Variants in JADE2 observed in about 807,000 individuals in gnomAD.
The protein encoded by JADE2 is E3 ubiquitin-protein ligase Jade-2.
In JADE2, 13 loss-of-function variants were observed where a neutral mutation model predicts 85.7. That is an observed-to-expected ratio of 0.15 (90% CI 0.10 to 0.24). The LOEUF (loss-of-function observed/expected upper bound fraction) is 0.24, where lower values mean the gene tolerates loss of function less well. JADE2 is among the 10% of genes least tolerant of loss of function. JADE2 has a pLI of 1.00. For synonymous variants in JADE2, 440 were observed against 456.1 expected, an observed-to-expected ratio of 0.96 and a Z score of 0.45; for missense variants, 846 against 1,115.9, an observed-to-expected ratio of 0.76 and a Z score of 3.45.
intron 3 of JADE2, among the ~76,000 whole-genome samples, 194 bp downstream of exon 3, chr5:134,538,277 T>C (rs574169515): frequency 2.6e-5 from 4 of 152,330 alleles, no homozygotes; most frequent in African/African-American, 9.6e-5. Context: ...CCTATTGAAC[T>C]GAGCAAGGGG....
intron 3 of JADE2, among the ~76,000 whole-genome samples, chr5:134,538,656 G>A (rs995459904): frequency 1.3e-5 from 2 of 152,134 alleles, no homozygotes; most frequent in Admixed American, 6.5e-5. Context: ...AAGCGCACTG[G>A]GGGTGGGTAG....
At chr5:134,543,881 G>T (rs1359956488) in intron 3 of JADE2, among the ~76,000 whole-genome samples, 6 of 152,176 alleles carry the variant, frequency 3.9e-5, no homozygotes, top group Admixed American at 2.6e-4. Flanking sequence ...AGCAACGTCA[G>T]GGAGTGTGGG....
Position 134,578,802 on chromosome 5 carries a change from A to C in JADE2, c.1990A>C (p.Thr664Pro). The change falls in exon 12 of 12, where the codon ACT (threonine) becomes CCT (proline). Residue 664 changes from threonine to proline, a missense_variant. By Grantham distance (38) the Thr-to-Pro change is conservative (BLOSUM62 -1). Transcript: ENST00000681547. The surrounding 1 kb of genome is among the most constrained non-coding windows in gnomAD (Gnocchi z 4.4). ...PPQDGPGSRT[T>P]PDKAPKKTWG... ...GCAGGACGGGCCTGGTTCACGGACGACTCCAGACAAAGCCCCCAAGAAGAC... is the reference window on the plus strand; with the variant it reads ...GCAGGACGGGCCTGGTTCACGGACGCCTCCAGACAAAGCCCCCAAGAAGAC... The C allele has an allele frequency of 6.2e-7, 1 of 1,613,620 alleles. No individual in the cohort carries two copies. The highest frequency in any genetic ancestry group is 1.3e-5 in the African/African-American group (1 of 75,002).
At chr5:134,548,259 A>G (rs1284926160) in intron 3 of JADE2, among the ~76,000 whole-genome samples, 1 of 152,204 alleles carries the variant, frequency 6.6e-6, no homozygotes, top group African/African-American at 2.4e-5. Flanking sequence ...AGTTAACTCA[A>G]GGGCATTAGG....
At chr5:134,560,988 T>C (rs1409610140) in intron 6 of JADE2, 31 bp downstream of exon 6, 5 of 1,589,596 alleles carry the variant, frequency 3.1e-6, no homozygotes, top group Admixed American at 1.7e-5. Flanking sequence ...CCCTCACCTG[T>C]GCCATGTATA....
At chr5:134,543,166 C>G (rs1230044795) in intron 3 of JADE2, among the ~76,000 whole-genome samples, 1 of 151,656 alleles carries the variant, frequency 6.6e-6, no homozygotes, top group East Asian at 2.0e-4. Flanking sequence ...TCCCAAGTAG[C>G]TAGGATTACA....
rs200711171 is a variant in JADE2 at position 134,559,925 on chromosome 5, G to A, written c.407G>A (p.Arg136His). Residue 136 changes from arginine (R) to histidine (H), a missense_variant, in exon 5 of 12, where the codon CGC (arginine) becomes CAC (histidine). Around this residue, in one of 9 missense-constraint regions of JADE2, gnomAD observed 78 missense variants for 64.9 expected, o/e 1.20. Transcript: ENST00000681547. ...CAGCCTGATTGGCCAGGGGGCAGCC[G>A]CTATGACTTGGACGAGATTGATGCC... ...GSQPDWPGGS[R>H]YDLDEIDAYW... 10 of 1,613,996 alleles carry A rather than the reference G, an allele frequency of 6.2e-6. No homozygotes were observed. The East Asian group carries it at 6.7e-5, about 11-fold the overall frequency.
intron 3 of JADE2, among the ~76,000 whole-genome samples, chr5:134,545,227 C>T (rs1228948150): frequency 6.6e-6 from 1 of 152,176 alleles, no homozygotes; most frequent in Admixed American, 6.5e-5. Flanking sequence ...ACTCACACTG[C>T]CTTTCTCTGG....
intron 4 of JADE2, among the ~76,000 whole-genome samples, chr5:134,553,914 G>A (rs867554736): frequency 2.6e-5 from 4 of 152,330 alleles, no homozygotes; most frequent in Middle Eastern, 6.8e-3. Flanking sequence ...TCAGCCAAGT[G>A]CTTCTTTATG....
rs1561774512 is a variant in JADE2, at chr5:134,581,348, CT to C, written c.*2033del. On this transcript the variant is annotated 3_prime_UTR_variant, in exon 12 of 12. Coordinates refer to ENST00000681547, the MANE Select transcript of JADE2 (RefSeq NM_001388185.1). Reference sequence around the variant, plus strand: ...TACTGCCTTTGAACAGAACTTCTTCCTTCCCCATGCTTTGGGTCACCTCGGG... The same window carrying C: ...TACTGCCTTTGAACAGAACTTCTTCCTCCCCATGCTTTGGGTCACCTCGGG... The C allele has an allele frequency of 6.5e-6, 1 of 152,732 alleles. No homozygotes were observed. The allele number at this position is 152,732 out of a possible 1,614,324, so 9.5% of individuals were successfully genotyped here. A position where few individuals can be genotyped will look rare whatever the true frequency, so the allele number is the denominator to read the frequency against.
At chr5:134,527,617 G>T (rs904269976) in intron 1 of JADE2, among the ~76,000 whole-genome samples, 1 of 151,794 alleles carries the variant, frequency 6.6e-6, no homozygotes, top group Non-Finnish European at 1.5e-5. Flanking sequence ...CCTTCGCCTG[G>T]GCCGGAGCCC....
In JADE2 at chr5:134,580,182, G is replaced by A. The variant is rs140308544; in HGVS notation, c.*865G>A. The A allele has an allele frequency of 1.8e-3, 274 of 152,856 alleles. No homozygotes were observed. The highest frequency in any genetic ancestry group is 4.3e-3 in the Admixed American group (66 of 15,304). The allele number at this position is 152,856 out of a possible 1,614,324, so 9.5% of individuals were successfully genotyped here. On this transcript the variant is annotated 3_prime_UTR_variant, in exon 12 of 12. Coordinates refer to ENST00000681547, the MANE Select transcript of JADE2 (RefSeq NM_001388185.1). Reference sequence around the variant, plus strand: ...GCTCCAACTTCCTTCCTTCCTTCGGGGCCAGTCTCGGCCGAAGTCTGGTCA... The same window carrying A: ...GCTCCAACTTCCTTCCTTCCTTCGGAGCCAGTCTCGGCCGAAGTCTGGTCA...
At chr5:134,552,346 C>A in intron 4 of JADE2, 137 bp downstream of exon 4, 3 of 847,796 alleles carry the variant, frequency 3.5e-6, no homozygotes, top group Admixed American at 6.0e-5. Context: ...CCTTTTCCAA[C>A]AAACCATTGA....
intron 6 of JADE2, among the ~76,000 whole-genome samples, chr5:134,561,543 T>TTGGTTTG (rs375445809): frequency 0.17 from 26,600 of 152,148 alleles, 2,647 homozygotes; most frequent in East Asian, 0.35. Context: ...CCCAAGGCTC[T>TTGGTTTG]AGGTCTTGAG....
chr5:134,532,486 CA>C (rs989928840), intron 1 of JADE2, among the ~76,000 whole-genome samples: 10 of 152,230 alleles, frequency 6.6e-5, no homozygotes, highest in African/African-American at 2.4e-4. Flanking sequence ...TGAGAGGTGC[CA>C]ATAGACTAGT....
At chr5:134,548,525 T>C (rs1259127399) in intron 3 of JADE2, among the ~76,000 whole-genome samples, 1 of 152,340 alleles carries the variant, frequency 6.6e-6, no homozygotes, top group East Asian at 1.9e-4. Flanking sequence ...AAGACAGTGC[T>C]GCCCTCCCTG....
rs549694310 is a variant in JADE2 at position 134,580,425 on chromosome 5, T to TAC, written c.*1108_*1109insAC. 1 of 72,082 alleles carries TAC rather than the reference T, an allele frequency of 1.4e-5. No individual in the cohort carries two copies. The highest frequency in any genetic ancestry group is 2.7e-5 in the Non-Finnish European group (1 of 37,012). The allele number at this position is 72,082 out of a possible 1,614,324, so 4.5% of individuals were successfully genotyped here. On this transcript the variant is annotated 3_prime_UTR_variant, in exon 12 of 12. Transcript: ENST00000681547. ...TGAGCCTTAACCCCTCGCACAGCCA[T>TAC]CCCCCCCCCCGTCCTGCCATCCCCC... is the stretch of plus-strand genomic sequence containing the variant.
At chr5:134,568,569 A>G (rs1426777699) in intron 9 of JADE2, among the ~76,000 whole-genome samples, 3 of 152,184 alleles carry the variant, frequency 2.0e-5, no homozygotes, top group Non-Finnish European at 4.4e-5. Context: ...GGGAAGAGGA[A>G]GCAGGGCCAA....
intron 11 of JADE2, among the ~76,000 whole-genome samples, chr5:134,577,444 A>G (rs1764446024): frequency 6.6e-6 from 1 of 152,186 alleles, no homozygotes; most frequent in African/African-American, 2.4e-5. Flanking sequence ...TGCTTCCTCC[A>G]GAGATCTCAG....
Sources: gnomAD v4.1 joint callset for allele counts (sites outside exome capture counted in the v4.1 genomes callset) on GRCh38, gnomAD v4.1.1 for gene constraint, gnomAD v4.1.1 regional missense constraint, Gnocchi (gnomAD v3.1) non-coding constraint, MANE v1.5 for transcripts, NCBI Gene and HGNC (gene_info 2026-07-23, HGNC 2026-07-21) for gene names.